RNF212B: variants seen among roughly 807,000 people sequenced by gnomAD.
The protein encoded by RNF212B is ring finger protein 212B.
In RNF212B, 52 loss-of-function variants were observed where a neutral mutation model predicts 55.5. The observed-to-expected ratio is 0.94, with a 90% CI of 0.75 to 1.18. The LOEUF (loss-of-function observed/expected upper bound fraction) is 1.18. Among genes scored for constraint, RNF212B ranks in the 50% most tolerant of loss-of-function variants. The probability of loss-of-function intolerance (pLI) is 0.00; values close to 1 mark genes in which losing one functional copy is unlikely to be tolerated. For missense variants in RNF212B, 289 were observed against 350.4 expected, an observed-to-expected ratio of 0.82 and a Z score of 1.40; for synonymous variants, 99 against 121.4, an observed-to-expected ratio of 0.82 and a Z score of 1.21.
chr14:23,207,930 GA>G (rs1301951717), intron 2 of RNF212B, among the ~76,000 whole-genome samples: 1 of 152,218 alleles, frequency 6.6e-6, no homozygotes, highest in African/African-American at 2.4e-5. Context: ...TCTAAGCGGA[GA>G]GGGGGCTTCC....
chr14:23,235,500 C>T (rs1338613969), upstream of RNF212B, among the ~76,000 whole-genome samples: 1 of 152,120 alleles, frequency 6.6e-6, no homozygotes, highest in Non-Finnish European at 1.5e-5. Context: ...GGCATTTTCT[C>T]AAAAATAAAC....
intron 11 of RNF212B, among the ~76,000 whole-genome samples, chr14:23,268,199 C>T (rs1386247564): frequency 6.6e-6 from 1 of 152,166 alleles, no homozygotes; most frequent in Non-Finnish European, 1.5e-5. Context: ...AAAGTGGGGT[C>T]TTCCAGGGAA....
intron 2 of RNF212B, among the ~76,000 whole-genome samples, chr14:23,220,389 G>A (rs933876804): frequency 2.0e-5 from 3 of 151,998 alleles, no homozygotes; most frequent in African/African-American, 7.2e-5. Flanking sequence ...AAAGTTAGCT[G>A]GGTCTGGTGG....
chr14:23,191,793 A>G (rs527295254), intron 1 of RNF212B, among the ~76,000 whole-genome samples: 1 of 152,296 alleles, frequency 6.6e-6, no homozygotes, highest in East Asian at 1.9e-4. Context: ...TTTCTTCACC[A>G]TTATTTACCT....
chr14:23,249,219 C>T (rs1433181098), intron 4 of RNF212B, among the ~76,000 whole-genome samples: 1 of 152,164 alleles, frequency 6.6e-6, no homozygotes, highest in Admixed American at 6.5e-5. Context: ...CATCAATAGA[C>T]CAGAGCTTCT....
intron 1 of RNF212B, among the ~76,000 whole-genome samples, chr14:23,238,774 A>C (rs137955211): frequency 0.024 from 2,898 of 119,638 alleles, 64 homozygotes; most frequent in Middle Eastern, 0.077. Flanking sequence ...TAATAATAAT[A>C]ATAATAATCC....
intron 2 of RNF212B, among the ~76,000 whole-genome samples, chr14:23,204,402 A>G (rs1321014570): frequency 6.6e-6 from 1 of 152,200 alleles, no homozygotes; most frequent in Non-Finnish European, 1.5e-5. Flanking sequence ...TGATTTTTGT[A>G]TAAGGTGAGA....
chr14:23,253,138 TCA>T (rs1884537041), intron 4 of RNF212B, among the ~76,000 whole-genome samples: 1 of 152,182 alleles, frequency 6.6e-6, no homozygotes. Context: ...TGTAAACATT[TCA>T]GTGTGTATCT....
In RNF212B at chr14:23,264,615, T is replaced by C; in HGVS notation, c.586-8T>C. 7.5e-7 allele frequency: 1 copy of C among 1,340,540 alleles called. No homozygotes were observed. The highest frequency in any genetic ancestry group is 2.3e-5 in the South Asian group (1 of 42,964). The allele number at this position is 1,340,540 out of a possible 1,614,324, so 83.0% of individuals were successfully genotyped here. A position where few individuals can be genotyped will look rare whatever the true frequency, so the allele number is the denominator to read the frequency against. On this transcript the variant is annotated splice_region_variant and splice_polypyrimidine_tract_variant and intron_variant, in intron 10 of 14. Coordinates refer to ENST00000430154, the MANE Select transcript of RNF212B (RefSeq NM_001282322.3). ...TTTATTAATTGATGCTTATTATTTG[T>C]CTATCAGGGAGGCAGAGGTCTGCAG...
At chr14:23,270,552 G>T in intron 13 of RNF212B, 48 bp from the exon 14 acceptor site, 1 of 1,394,006 alleles carries the variant, frequency 7.2e-7, no homozygotes, top group East Asian at 2.5e-5. Flanking sequence ...ACACTGCCGA[G>T]AAACTGCCCA....
chr14:23,208,884 G>A (rs1880162045), intron 2 of RNF212B, among the ~76,000 whole-genome samples: 1 of 145,378 alleles, frequency 6.9e-6, no homozygotes, highest in Non-Finnish European at 1.5e-5. Flanking sequence ...TCAGCCCCCT[G>A]AGTAGTTGGG....
Position 23,258,604 on chromosome 14 carries a change from G to T in RNF212B, c.284G>T (p.Arg95Ile), listed in dbSNP as rs1229571523. Residue 95 changes from arginine (R) to isoleucine (I), a missense_variant, in exon 5 of 15, where the codon AGA (arginine) becomes ATA (isoleucine). Physicochemically the swap from Arg to Ile is moderately conservative, Grantham distance 97 (BLOSUM62 -3). Transcript: ENST00000430154. Reference sequence around the variant, plus strand: ...CTCCTCATCGCCTTTTATAAGCATAGAATTACAAAGTTAGAAACAGCCATG... The same window carrying T: ...CTCCTCATCGCCTTTTATAAGCATATAATTACAAAGTTAGAAACAGCCATG... ...TDLLIAFYKH[R>I]ITKLETAMQE... 1 of 1,539,446 alleles carries T rather than the reference G, an allele frequency of 6.5e-7. No individual in the cohort carries two copies. Among genetic ancestry groups the T allele is most frequent in the African/African-American group, 1.4e-5 (1 of 72,236 alleles).
chr14:23,236,486 G>C (rs1883105321), upstream of RNF212B, among the ~76,000 whole-genome samples: 1 of 152,126 alleles, frequency 6.6e-6, no homozygotes. Context: ...CTGCACTCCA[G>C]CCCTGGCGAC....
intron 6 of RNF212B, 98 bp from the exon 7 acceptor site, chr14:23,260,561 G>C (rs1188322190): frequency 1.8e-6 from 2 of 1,086,502 alleles, no homozygotes; most frequent in Middle Eastern, 3.9e-4. Context: ...CCATGACTAA[G>C]GGGCACTGAG....
intron 1 of RNF212B, among the ~76,000 whole-genome samples, chr14:23,185,725 G>A (rs910695086): frequency 1.3e-5 from 2 of 152,202 alleles, no homozygotes; most frequent in African/African-American, 4.8e-5. Context: ...AGGAAGAGTT[G>A]CTGAAGATTA....
At chr14:23,252,277 C>T (rs1476079197) in intron 4 of RNF212B, among the ~76,000 whole-genome samples, 1 of 151,790 alleles carries the variant, frequency 6.6e-6, no homozygotes, top group Non-Finnish European at 1.5e-5. Flanking sequence ...CAGGAAATGC[C>T]AAAGGTTTTA....
At chr14:23,237,071 C>T (rs1211462952), upstream of RNF212B, among the ~76,000 whole-genome samples, 4 of 149,976 alleles carry the variant, frequency 2.7e-5, no homozygotes, top group African/African-American at 9.8e-5. Context: ...TTAAGTGATA[C>T]ACCTGCCTCA....
chr14:23,224,612 T>C (rs1881849010), intron 2 of RNF212B, among the ~76,000 whole-genome samples: 2 of 152,150 alleles, frequency 1.3e-5, no homozygotes, highest in South Asian at 4.1e-4. Context: ...TCAAAATGAA[T>C]TAAATAATTG....
At chr14:23,192,466 C>G (rs1158408437) in intron 1 of RNF212B, among the ~76,000 whole-genome samples, 1 of 143,602 alleles carries the variant, frequency 7.0e-6, no homozygotes, top group Non-Finnish European at 1.5e-5. Context: ...TGTTCTCACT[C>G]ATAGGTGGGA....
Sources: allele counts gnomAD v4.1 joint callset (sites outside exome capture counted in the v4.1 genomes callset), GRCh38; gene constraint gnomAD v4.1.1; transcripts MANE v1.5; gene names NCBI Gene and HGNC (gene_info 2026-07-23, HGNC 2026-07-21).